The following NPRL3 variants were observed in gnomAD, a reference collection of about 807,000 sequenced individuals.
NPRL3 encodes the protein NPR3 like, GATOR1 complex subunit.
NPRL3 carries 23 observed loss-of-function variants against 57.2 expected under a neutral mutation model. That is an observed-to-expected ratio of 0.40 (90% CI 0.29 to 0.57). The LOEUF is 0.57. NPRL3 is among the 20% of genes least tolerant of loss of function. The pLI is 0.42. For missense variants in NPRL3, 691 were observed against 767.1 expected, an observed-to-expected ratio of 0.90 and a Z score of 1.17; for synonymous variants, 333 against 321.1, an observed-to-expected ratio of 1.04 and a Z score of -0.39.
In NPRL3 at chr16:138,350, CCGGAGGCGG is replaced by C. The variant is rs1567152234; in HGVS notation, c.-67-25_-67-17del. ...CGGAGGGGGCCTGAGGAGGACGGAG[CCGGAGGCGG>C]AGGGGGCCTGAGGAGGACGAGGCGG... On this transcript the variant is annotated splice_polypyrimidine_tract_variant and intron_variant, in intron 1 of 13. Coordinates refer to ENST00000611875, the MANE Select transcript of NPRL3 (RefSeq NM_001077350.3). The C allele has an allele frequency of 3.6e-5, 30 of 822,628 alleles. 1 individual carries two copies. The African/African-American group carries it at 7.9e-4, about 22-fold the overall frequency. The allele number at this position is 822,628 out of a possible 1,614,324, so 51.0% of individuals were successfully genotyped here.
chr16:116,291 T>A (rs550385293), intron 5 of NPRL3, among the ~76,000 whole-genome samples: 1 of 152,230 alleles, frequency 6.6e-6, no homozygotes, highest in African/African-American at 2.4e-5. Flanking sequence ...ACATTCGTCA[T>A]GGATTTTGTT....
intron 9 of NPRL3, among the ~76,000 whole-genome samples, chr16:93,773 C>T (rs1380675578): frequency 3.9e-5 from 6 of 152,180 alleles, no homozygotes; most frequent in African/African-American, 1.4e-4. Flanking sequence ...ACCATGTTGG[C>T]CAGGATGGTC....
In NPRL3 at chr16:85,756, T is replaced by C. The variant is rs1324375780; in HGVS notation, c.*949A>G. 1.3e-6 allele frequency: 2 copies of C among 1,510,778 alleles called. No individual in the cohort carries two copies. Among genetic ancestry groups the C allele is most frequent in the East Asian group, 2.3e-5 (1 of 43,728 alleles). The allele number at this position is 1,510,778 out of a possible 1,614,324, so 93.6% of individuals were successfully genotyped here. The stretch of plus-strand genomic sequence containing the variant: ...GGGTCAGTGTGGTCGACAGAGTGGC[T>C]GAGCAGGACACACAGGCCTGAGCAA... On this transcript the variant is annotated 3_prime_UTR_variant, in exon 14 of 14. Transcript: ENST00000611875.
chr16:87,535 CCTG>C (rs1898534765), intron 13 of NPRL3, among the ~76,000 whole-genome samples: 1 of 76,098 alleles, frequency 1.3e-5, no homozygotes. Context: ...CTGTGCCCAG[CCTG>C]CTTTTTTTTT....
intron 7 of NPRL3, among the ~76,000 whole-genome samples, chr16:106,048 C>T (rs1226252372): frequency 2.6e-5 from 4 of 152,094 alleles, no homozygotes; most frequent in African/African-American, 4.8e-5. Context: ...TGGTGGCTCA[C>T]GCCTGTAGTC....
In NPRL3 at chr16:85,847, C is replaced by T. The variant is rs1898442945; in HGVS notation, c.*858G>A. 2 of 1,399,032 alleles carry T rather than the reference C, an allele frequency of 1.4e-6. No homozygotes were observed. Among genetic ancestry groups the T allele is most frequent in the Admixed American group, 3.0e-5 (1 of 33,432 alleles). The allele number at this position is 1,399,032 out of a possible 1,614,324, so 86.7% of individuals were successfully genotyped here. A position where few individuals can be genotyped will look rare whatever the true frequency, so the allele number is the denominator to read the frequency against. ...GAATAAATGTTTTATTTCTAGAAAA[C>T]TGTGCCTTAGCCAGAGCTCCTCTAG... On this transcript the variant is annotated 3_prime_UTR_variant, in exon 14 of 14. Coordinates refer to ENST00000611875, the MANE Select transcript of NPRL3 (RefSeq NM_001077350.3).
intron 6 of NPRL3, among the ~76,000 whole-genome samples, chr16:111,256 C>T (rs1219392558): frequency 2.0e-5 from 3 of 151,742 alleles, no homozygotes; most frequent in South Asian, 2.1e-4. Flanking sequence ...AAAAATTAGC[C>T]GGGCGTGGTG....
intron 2 of NPRL3, among the ~76,000 whole-genome samples, chr16:131,052 T>C (rs1900766357): frequency 6.6e-6 from 1 of 152,256 alleles, no homozygotes; most frequent in African/African-American, 2.4e-5. Context: ...TCAAAAACAG[T>C]GATAAGGCAC....
intron 3 of NPRL3, chr16:127,050 T>G (rs1402683370): frequency 6.6e-6 from 1 of 152,190 alleles, no homozygotes; most frequent in Admixed American, 6.5e-5. Context: ...TTTTGTATTT[T>G]TGGTAGAGAC....
intron 7 of NPRL3, among the ~76,000 whole-genome samples, chr16:102,398 G>T (rs927090880): frequency 3.1e-4 from 47 of 152,312 alleles, no homozygotes; most frequent in Admixed American, 1.4e-3. Flanking sequence ...TCTTGTCAAG[G>T]CCTGGCTACT....
intron 2 of NPRL3, among the ~76,000 whole-genome samples, chr16:137,784 C>G (rs983233817): frequency 7.9e-5 from 12 of 151,882 alleles, no homozygotes; most frequent in African/African-American, 2.4e-4. Context: ...AGGCTGGTCT[C>G]GAACTCCTGA....
intron 7 of NPRL3, among the ~76,000 whole-genome samples, chr16:101,930 T>C (rs1596510566): frequency 6.6e-6 from 1 of 152,282 alleles, no homozygotes; most frequent in Middle Eastern, 3.4e-3. Flanking sequence ...CCTAATGCTG[T>C]CTCCCCAACC....
At chr16:133,516 C>A (rs1229368342) in intron 2 of NPRL3, among the ~76,000 whole-genome samples, 1 of 143,288 alleles carries the variant, frequency 7.0e-6, no homozygotes, top group Non-Finnish European at 1.5e-5. Flanking sequence ...AGGCATGAGC[C>A]ACTGTGCCTA....
intron 7 of NPRL3, among the ~76,000 whole-genome samples, chr16:107,596 A>C (rs961942417): frequency 2.8e-3 from 8 of 2,856 alleles, no homozygotes; most frequent in Non-Finnish European, 5.8e-3. Flanking sequence ...TTCCATCTCA[A>C]AAAAAAAAAA....
At chr16:89,665 C>A (rs1289185381) in intron 12 of NPRL3, 48 bp downstream of exon 12, 2 of 1,441,356 alleles carry the variant, frequency 1.4e-6, no homozygotes, top group South Asian at 1.5e-5. Flanking sequence ...TGGATGCCAC[C>A]CCCAAGCGTC....
intron 9 of NPRL3, among the ~76,000 whole-genome samples, chr16:94,782 AC>A (rs1402830687): frequency 2.6e-5 from 4 of 151,172 alleles, no homozygotes; most frequent in Non-Finnish European, 5.9e-5. Flanking sequence ...CTGTTCCCTC[AC>A]CCCACGTGCC....
chr16:98,480 A>C (rs977504106), intron 8 of NPRL3, among the ~76,000 whole-genome samples, 179 bp from the exon 9 acceptor site: 2 of 152,074 alleles, frequency 1.3e-5, no homozygotes, highest in African/African-American at 4.8e-5. Context: ...AAGTGCAGGG[A>C]ACCCTGCACC....
Position 85,748 on chromosome 16 carries a change from AGAGTG to A in NPRL3, c.*952_*956del. On this transcript the variant is annotated 3_prime_UTR_variant, in exon 14 of 14. Transcript: ENST00000611875. ...CAGCCCCTGGGTCAGTGTGGTCGAC[AGAGTG>A]GCTGAGCAGGACACACAGGCCTGAG... 2 of 1,513,334 alleles carry A rather than the reference AGAGTG, an allele frequency of 1.3e-6. No homozygotes were observed. The highest frequency in any genetic ancestry group is 1.8e-6 in the Non-Finnish European group (2 of 1,129,988). The allele number at this position is 1,513,334 out of a possible 1,614,324, so 93.7% of individuals were successfully genotyped here. A position where few individuals can be genotyped will look rare whatever the true frequency, so the allele number is the denominator to read the frequency against.
intron 3 of NPRL3, among the ~76,000 whole-genome samples, chr16:120,142 T>A (rs183102453): frequency 2.3e-4 from 35 of 152,256 alleles, no homozygotes; most frequent in African/African-American, 8.4e-4. Context: ...AACACAAATG[T>A]ACTACCTCTG....
Sources: gnomAD v4.1 joint callset for allele counts (sites outside exome capture counted in the v4.1 genomes callset) on GRCh38, gnomAD v4.1.1 for gene constraint, MANE v1.5 for transcripts, NCBI Gene and HGNC (gene_info 2026-07-23, HGNC 2026-07-21) for gene names.